The following BCAT1 variants were observed in gnomAD, a reference collection of about 807,000 sequenced individuals.
BCAT1 encodes the protein branched chain amino acid transaminase 1.
In BCAT1, 48 loss-of-function variants were observed where a neutral mutation model predicts 52.4. That is an observed-to-expected ratio of 0.92 (90% CI 0.73 to 1.16). BCAT1 has a LOEUF of 1.16. Ranked by LOEUF, BCAT1 falls within the 50% of genes most tolerant of loss-of-function variation. The pLI is 0.00. For synonymous variants in BCAT1, 167 were observed against 161.3 expected, an observed-to-expected ratio of 1.04 and a Z score of -0.27; for missense variants, 451 against 457.1, an observed-to-expected ratio of 0.99 and a Z score of 0.12.
intron 10 of BCAT1, among the ~76,000 whole-genome samples, chr12:24,822,345 T>C (rs1292559887): frequency 6.6e-6 from 1 of 152,160 alleles, no homozygotes; most frequent in Non-Finnish European, 1.5e-5. Context: ...AAGTCAAATC[T>C]GTGGTTATGA....
chr12:24,947,064 A>G (rs762839603), intron 1 of BCAT1, among the ~76,000 whole-genome samples: 15 of 151,460 alleles, frequency 9.9e-5, no homozygotes, highest in Admixed American at 9.2e-4. Flanking sequence ...CCCTTTTGTT[A>G]GGCCAGCTTA....
intron 1 of BCAT1, among the ~76,000 whole-genome samples, chr12:24,905,489 T>G (rs1943210650): frequency 6.6e-6 from 1 of 152,154 alleles, no homozygotes; most frequent in East Asian, 1.9e-4. Flanking sequence ...GTAAAATAAC[T>G]CAAAAACAAT....
At chr12:24,896,539 C>T (rs576743614) in intron 2 of BCAT1, among the ~76,000 whole-genome samples, 6 of 152,112 alleles carry the variant, frequency 3.9e-5, no homozygotes, top group Admixed American at 1.3e-4. Context: ...GAGGCCGAGG[C>T]GGGTGGATCA....
chr12:24,925,111 T>C (rs1266998854), intron 1 of BCAT1, among the ~76,000 whole-genome samples: 1 of 152,216 alleles, frequency 6.6e-6, no homozygotes, highest in East Asian at 1.9e-4. Flanking sequence ...AAGTATTTTT[T>C]AGATGTGATT....
At chr12:24,930,896 C>CTT (rs5797108) in intron 1 of BCAT1, among the ~76,000 whole-genome samples, 46 of 96,046 alleles carry the variant, frequency 4.8e-4, no homozygotes, top group African/African-American at 5.9e-4. Flanking sequence ...GAACAGGGCC[C>CTT]TTTTTTTTTT....
In BCAT1 at chr12:24,890,028, G is replaced by A. The variant is rs117395846; in HGVS notation, c.279+4247C>T. Among the ~76,000 whole-genome samples, 141 of 152,064 alleles carry A rather than the reference G, an allele frequency of 9.3e-4. No individual in the cohort carries two copies. The East Asian group carries it at 0.011, about 12-fold the overall frequency. ...ATGGAAGCCCTGCACTCTATCCCCC[G>A]ATACCTCACCCTACACATCGCTTCA... is the stretch of plus-strand genomic sequence containing the variant. On this transcript the variant is annotated intron_variant, in intron 3 of 10. Coordinates refer to ENST00000261192, the MANE Select transcript of BCAT1 (RefSeq NM_005504.7).
chr12:24,834,785 GA>G (rs1405785840), intron 8 of BCAT1: 1 of 1,163,170 alleles, frequency 8.6e-7, no homozygotes. Flanking sequence ...CAAATTAATT[GA>G]AAACAAGCTG....
Position 24,887,731 on chromosome 12 carries a change from C to G in BCAT1, c.280-6320G>C, listed in dbSNP as rs1014848242. Among the ~76,000 whole-genome samples, 4 of 152,194 alleles carry G rather than the reference C, an allele frequency of 2.6e-5. No individual in the cohort carries two copies. The South Asian group carries it at 8.3e-4, about 31-fold the overall frequency. ...TTTTTTAAAATTATGCTTTATTTCA[C>G]TAAATATTTGTTATAATCTGAAAAT... is the stretch of plus-strand genomic sequence containing the variant. On this transcript the variant is annotated intron_variant, in intron 3 of 10. Coordinates refer to ENST00000261192, the MANE Select transcript of BCAT1 (RefSeq NM_005504.7).
chr12:24,932,149 G>GA (rs1201670731), intron 1 of BCAT1, among the ~76,000 whole-genome samples: 1 of 151,894 alleles, frequency 6.6e-6, no homozygotes, highest in Non-Finnish European at 1.5e-5. Context: ...GGTATAAGGG[G>GA]AAAAAAATGT....
intron 10 of BCAT1, among the ~76,000 whole-genome samples, chr12:24,829,051 AT>A (rs1940531550): frequency 8.2e-6 from 1 of 121,652 alleles, no homozygotes; most frequent in Non-Finnish European, 1.7e-5. Context: ...AAATAAATAA[AT>A]AAAGTATATA....
At chr12:24,835,065 T>G (rs2139398146) in intron 8 of BCAT1, among the ~76,000 whole-genome samples, 1 of 152,372 alleles carries the variant, frequency 6.6e-6, no homozygotes, top group Middle Eastern at 3.4e-3. Context: ...TATTTCCACT[T>G]GCAACTTGTC....
intron 5 of BCAT1, among the ~76,000 whole-genome samples, chr12:24,853,185 A>G (rs1941566849): frequency 6.6e-6 from 1 of 152,210 alleles, no homozygotes; most frequent in Non-Finnish European, 1.5e-5. Context: ...CAACAAAGAC[A>G]TGGAATCAAC....
At chr12:24,835,395 C>T (rs899653268) in intron 8 of BCAT1, among the ~76,000 whole-genome samples, 12 of 152,070 alleles carry the variant, frequency 7.9e-5, no homozygotes, top group Non-Finnish European at 1.5e-4. Context: ...ACTCTTTGAC[C>T]ACAGTAAGCT....
chr12:24,910,757 G>A (rs1035027776), intron 1 of BCAT1, among the ~76,000 whole-genome samples: 12 of 152,212 alleles, frequency 7.9e-5, no homozygotes, highest in African/African-American at 2.2e-4. Flanking sequence ...TGTCAGTTCC[G>A]ATGAAATCAT....
chr12:24,827,978 C>A (rs1018174943), intron 10 of BCAT1, among the ~76,000 whole-genome samples: 2 of 151,954 alleles, frequency 1.3e-5, no homozygotes, highest in African/African-American at 4.8e-5. Flanking sequence ...TCTTGAACAC[C>A]TGGCCTCAAG....
At chr12:24,836,873 GAGAA>G (rs1940959007) in intron 7 of BCAT1, among the ~76,000 whole-genome samples, 1 of 81,454 alleles carries the variant, frequency 1.2e-5, no homozygotes, top group Non-Finnish European at 2.5e-5. Flanking sequence ...AGGAAGGAAA[GAGAA>G]AGAGAAAGAA....
chr12:24,875,700 T>C (rs1359150178), intron 5 of BCAT1, among the ~76,000 whole-genome samples: 1 of 152,172 alleles, frequency 6.6e-6, no homozygotes, highest in Admixed American at 6.5e-5. Context: ...AAATAACACC[T>C]CGGTGATTCA....
intron 6 of BCAT1, among the ~76,000 whole-genome samples, chr12:24,844,761 G>A (rs1293498626): frequency 6.6e-6 from 1 of 151,510 alleles, no homozygotes; most frequent in Non-Finnish European, 1.5e-5. Context: ...TCCGGGCGTG[G>A]TGGCTGGCGC....
intron 1 of BCAT1, among the ~76,000 whole-genome samples, chr12:24,932,289 A>G (rs931424878): frequency 6.6e-6 from 1 of 152,204 alleles, no homozygotes; most frequent in African/African-American, 2.4e-5. Context: ...AGGAACTTCA[A>G]TGATGTGGCT....
Sources: allele counts gnomAD v4.1 joint callset (sites outside exome capture counted in the v4.1 genomes callset), GRCh38; gene constraint gnomAD v4.1.1; transcripts MANE v1.5; gene names NCBI Gene and HGNC (gene_info 2026-07-23, HGNC 2026-07-21).